The following PTPN12 variants were observed in gnomAD, a reference collection of about 807,000 sequenced individuals.
The protein encoded by PTPN12 is tyrosine-protein phosphatase non-receptor type 12.
A neutral mutation model predicts 97.6 loss-of-function variants in PTPN12; 29 were observed. The observed-to-expected ratio is 0.30, with a 90% CI of 0.22 to 0.41. The LOEUF is 0.41. Among genes scored for constraint, PTPN12 ranks in the 10% least tolerant of loss-of-function variants. The probability of loss-of-function intolerance (pLI) is 1.00; values close to 1 mark genes in which losing one functional copy is unlikely to be tolerated. For missense variants in PTPN12, 819 were observed against 926.0 expected (o/e 0.88, Z 1.50); for synonymous variants, 327 against 300.4 (o/e 1.09, Z -0.91).
chr7:77,578,519 A>C (rs766280365), intron 2 of PTPN12, among the ~76,000 whole-genome samples: 2 of 152,210 alleles, frequency 1.3e-5, no homozygotes, highest in Non-Finnish European at 2.9e-5. Context: ...TCTTCTACAA[A>C]TTTCTAAAGA....
At chr7:77,617,591 C>T (rs754243110) in intron 11 of PTPN12, among the ~76,000 whole-genome samples, 2 of 152,070 alleles carry the variant, frequency 1.3e-5, no homozygotes, top group Non-Finnish European at 2.9e-5. Flanking sequence ...TTTCAGAGTT[C>T]CTTAGTTGAT....
chr7:77,603,220 C>T (rs933186110), intron 8 of PTPN12, among the ~76,000 whole-genome samples: 1 of 152,142 alleles, frequency 6.6e-6, no homozygotes, highest in Non-Finnish European at 1.5e-5. Context: ...AAAGAAATTG[C>T]TTTCACTTTG....
chr7:77,588,738 A>G (rs1483332551), intron 5 of PTPN12, among the ~76,000 whole-genome samples: 1 of 152,200 alleles, frequency 6.6e-6, no homozygotes, highest in Non-Finnish European at 1.5e-5. Flanking sequence ...TCAAATATTC[A>G]GTGGTGTTGT....
intron 1 of PTPN12, chr7:77,545,606 A>G (rs1274430772): frequency 2.0e-5 from 3 of 150,994 alleles, no homozygotes; most frequent in African/African-American, 7.3e-5. Flanking sequence ...AATTTTAAAT[A>G]TATATATATA....
chr7:77,576,503 CCT>C (rs1381633954), intron 2 of PTPN12, among the ~76,000 whole-genome samples: 1 of 152,098 alleles, frequency 6.6e-6, no homozygotes, highest in Non-Finnish European at 1.5e-5. Flanking sequence ...TCAAGACCAG[CCT>C]GGCCAATACG....
chr7:77,607,319 T>A lies in PTPN12; in HGVS notation c.762+18T>A. On this transcript the variant is annotated intron_variant, in intron 9 of 17. Coordinates refer to ENST00000248594, the MANE Select transcript of PTPN12 (RefSeq NM_002835.4). ...AAGCTGGGGTAAGAATAATTTTTTG[T>A]AGCATTATGTTCAATTGATCTATTA... is the stretch of plus-strand genomic sequence containing the variant. 6.5e-7 allele frequency: 1 copy of A among 1,535,828 alleles called. No individual in the cohort carries two copies. The highest frequency in any genetic ancestry group is 9.0e-7 in the Non-Finnish European group (1 of 1,109,830).
At chr7:77,599,379 T>G (rs1382266710) in intron 7 of PTPN12, among the ~76,000 whole-genome samples, 3 of 137,644 alleles carry the variant, frequency 2.2e-5, no homozygotes, top group African/African-American at 8.1e-5. Context: ...GGACTCAAAC[T>G]CCTGAGCTCA....
chr7:77,564,146 T>C (rs1407270162), intron 1 of PTPN12: 1 of 194,766 alleles, frequency 5.1e-6, no homozygotes, highest in Non-Finnish European at 1.1e-5. Context: ...CCTAAAGTGC[T>C]GGGATTACAG....
chr7:77,575,035 T>G (rs1787295251), intron 2 of PTPN12, among the ~76,000 whole-genome samples: 1 of 152,040 alleles, frequency 6.6e-6, no homozygotes, highest in Admixed American at 6.6e-5. Flanking sequence ...GGTTTCACCA[T>G]GTCGGCCAGG....
intron 7 of PTPN12, among the ~76,000 whole-genome samples, 187 bp from the exon 8 acceptor site, chr7:77,600,477 G>A (rs1788156441): frequency 6.6e-6 from 1 of 152,156 alleles, no homozygotes; most frequent in African/African-American, 2.4e-5. Flanking sequence ...ATTGTTACAT[G>A]TGAAGCCCTT....
intron 1 of PTPN12, among the ~76,000 whole-genome samples, chr7:77,543,772 G>A (rs970085681): frequency 2.0e-5 from 3 of 152,018 alleles, no homozygotes; most frequent in African/African-American, 7.2e-5. Flanking sequence ...TACAATATGT[G>A]GTGTTTTGTG....
intron 2 of PTPN12, among the ~76,000 whole-genome samples, chr7:77,575,506 A>C (rs1180746820): frequency 1.3e-5 from 2 of 152,254 alleles, no homozygotes; most frequent in Non-Finnish European, 2.9e-5. Flanking sequence ...AGACTGTCTC[A>C]AAAAATAAGA....
chr7:77,573,025 A>G (rs183142929), intron 2 of PTPN12, among the ~76,000 whole-genome samples: 91 of 138,826 alleles, frequency 6.6e-4, no homozygotes, highest in African/African-American at 2.4e-3. Flanking sequence ...GGAGGTTGCC[A>G]TGAGCCGAGA....
At chr7:77,621,450 C>A (rs1021508040) in intron 12 of PTPN12, among the ~76,000 whole-genome samples, 2 of 152,146 alleles carry the variant, frequency 1.3e-5, no homozygotes, top group African/African-American at 4.8e-5. Flanking sequence ...GGGTGGATCA[C>A]CTGAGGTTGG....
intron 6 of PTPN12, among the ~76,000 whole-genome samples, chr7:77,593,693 T>G (rs532150896): frequency 1.3e-5 from 2 of 152,350 alleles, no homozygotes; most frequent in East Asian, 1.9e-4. Context: ...GACAGTTTGC[T>G]TTACTCAGAG....
At chr7:77,547,466 AG>A (rs879928756) in intron 1 of PTPN12, among the ~76,000 whole-genome samples, 69 of 152,308 alleles carry the variant, frequency 4.5e-4, no homozygotes, top group Non-Finnish European at 8.5e-4. Context: ...TGGGTCCCTT[AG>A]ACTAGTGGAA....
At chr7:77,582,783 C>G (rs904146989) in intron 3 of PTPN12, among the ~76,000 whole-genome samples, 1 of 98,698 alleles carries the variant, frequency 1.0e-5, no homozygotes, top group Non-Finnish European at 2.1e-5. Context: ...GACTCCGTCT[C>G]AAAAAAAAAA....
chr7:77,585,281 G>C (rs1380837005), intron 4 of PTPN12: 2 of 293,558 alleles, frequency 6.8e-6, no homozygotes, highest in Non-Finnish European at 1.2e-5. Flanking sequence ...AAGTAAATCT[G>C]TAAGATTTAC....
chr7:77,541,884 T>C (rs537758364), intron 1 of PTPN12, among the ~76,000 whole-genome samples: 2 of 152,330 alleles, frequency 1.3e-5, no homozygotes, highest in South Asian at 4.1e-4. Flanking sequence ...TGCTAATAAA[T>C]TAGCAAATAG....
Sources: allele counts gnomAD v4.1 joint callset (sites outside exome capture counted in the v4.1 genomes callset), GRCh38; gene constraint gnomAD v4.1.1; transcripts MANE v1.5; gene names NCBI Gene and HGNC (gene_info 2026-07-23, HGNC 2026-07-21).